The following EDEM2 variants were observed in gnomAD, a reference collection of about 807,000 sequenced individuals.
The protein encoded by EDEM2 is ER degradation-enhancing alpha-mannosidase-like protein 2.
In EDEM2, 39 loss-of-function variants were observed where a neutral mutation model predicts 64.8. The ratio of observed to expected loss-of-function variants is 0.60; its 90% CI spans 0.47 to 0.79. The LOEUF is 0.79. Among genes scored for constraint, EDEM2 ranks in the 30% least tolerant of loss-of-function variants. EDEM2 has a pLI of 0.00. For synonymous variants in EDEM2, 296 were observed against 291.5 expected (o/e 1.02, Z -0.16); for missense variants, 609 against 731.3 (o/e 0.83, Z 1.93).
intron 4 of EDEM2, among the ~76,000 whole-genome samples, chr20:35,138,733 C>T (rs55921558): frequency 0.08 from 12,105 of 151,722 alleles, 606 homozygotes; most frequent in South Asian, 0.16. Flanking sequence ...GAGCTCACCA[C>T]CATGCCCGGC....
At chr20:35,121,527 C>A (rs375985145) in intron 9 of EDEM2, among the ~76,000 whole-genome samples, 1 of 152,148 alleles carries the variant, frequency 6.6e-6, no homozygotes, top group Non-Finnish European at 1.5e-5. Context: ...GGACTTGTAC[C>A]GGTCCACGGC....
intron 6 of EDEM2, among the ~76,000 whole-genome samples, chr20:35,134,418 C>T (rs993346867): frequency 3.3e-5 from 5 of 152,012 alleles, no homozygotes; most frequent in African/African-American, 1.2e-4. Context: ...AAATGAAGGC[C>T]GGACGAGCTG....
rs2085741669 is a variant in EDEM2, at chr20:35,146,921, G to A, written c.122C>T (p.Ala41Val). The change falls in exon 2 of 11, where the codon GCC (alanine) becomes GTC (valine). Residue 41 changes from alanine (A) to valine (V), a missense_variant. Coordinates refer to ENST00000374492, the MANE Select transcript of EDEM2 (RefSeq NM_018217.3). ...DPAHYRERVK[A>V]MFYHAYDSYL... The stretch of plus-strand genomic sequence containing the variant: ...GCTGTCGTAGGCGTGGTAGAACATG[G>A]CCTTGACTCGCTCCCTGGGTGGGGG... 1.2e-6 allele frequency: 2 copies of A among 1,613,814 alleles called. No homozygotes were observed. The highest frequency in any genetic ancestry group is 2.2e-5 in the South Asian group (2 of 90,998).
In EDEM2 at chr20:35,138,110, G is replaced by A. The variant is rs184328116; in HGVS notation, c.365-105C>T. On this transcript the variant is annotated intron_variant, in intron 4 of 10. Coordinates refer to ENST00000374492, the MANE Select transcript of EDEM2 (RefSeq NM_018217.3). ...AAACATAAACACTCTATTGTGGGGC[G>A]CATGTTCTCAGGACCTCCTGAAGCT... 29 of 1,448,358 alleles carry A rather than the reference G, an allele frequency of 2.0e-5. No homozygotes were observed. In the East Asian group the frequency reaches 2.1e-4, roughly 10 times the overall value. The allele number at this position is 1,448,358 out of a possible 1,614,324, so 89.7% of individuals were successfully genotyped here. A position where few individuals can be genotyped will look rare whatever the true frequency, so the allele number is the denominator to read the frequency against.
intron 5 of EDEM2, among the ~76,000 whole-genome samples, 195 bp downstream of exon 5, chr20:35,137,685 G>A (rs529201742): frequency 2.6e-5 from 4 of 152,296 alleles, no homozygotes; most frequent in Admixed American, 6.5e-5. Context: ...TCATCCATCC[G>A]GGTCAGGGCC....
intron 7 of EDEM2, among the ~76,000 whole-genome samples, chr20:35,128,603 C>T (rs1328314302): frequency 1.3e-5 from 2 of 149,472 alleles, no homozygotes; most frequent in African/African-American, 5.0e-5. Context: ...CAGGCAGGTC[C>T]TTCAAGGAAT....
At position 35,123,983 on chromosome 20, in the gene EDEM2, T is replaced by G. The variant is rs1399552368; in HGVS notation, c.1021A>C (p.Thr341Pro). 15 of 1,613,952 alleles carry G rather than the reference T, an allele frequency of 9.3e-6. No homozygotes were observed. The highest frequency in any genetic ancestry group is 1.3e-5 in the Non-Finnish European group (15 of 1,179,908). The change falls in exon 9 of 11, where the codon ACT becomes CCT. Residue 341 changes from threonine (T) to proline (P), a missense_variant. By Grantham distance (38) the Thr-to-Pro change is conservative. Coordinates refer to ENST00000374492, the MANE Select transcript of EDEM2 (RefSeq NM_018217.3). ...NAMRTFLNYYTVWKQFGGLPE... is the reference protein window; with the variant it reads ...NAMRTFLNYYPVWKQFGGLPE... ...AGCCCCCCAAACTGCTTCCATACAG[T>G]GTAGTAGTTGAGGAAGGTCCTCATG...
Position 35,147,317 on chromosome 20 carries a change from C to T in EDEM2, c.-59G>A. The stretch of plus-strand genomic sequence containing the variant: ...CAGCAGCCACTGCAACCAGTTCATC[C>T]TGGGAGCTGCTGCGGGTTCTTCCGG... On this transcript the variant is annotated 5_prime_UTR_variant, in exon 1 of 11. Transcript: ENST00000374492. 7.1e-7 allele frequency: 1 copy of T among 1,404,310 alleles called. No homozygotes were observed. The highest frequency in any genetic ancestry group is 1.5e-5 in the African/African-American group (1 of 68,016). 87.0% of individuals were successfully genotyped at this position (1,404,310 alleles called of 1,614,324 possible).
chr20:35,126,407 T>A lies in EDEM2; in HGVS notation c.845-32A>T, dbSNP rs370246855. 5.6e-6 allele frequency: 9 copies of A among 1,611,310 alleles called. No individual in the cohort carries two copies. In the African/African-American group the frequency reaches 1.2e-4, roughly 22 times the overall value. The stretch of plus-strand genomic sequence containing the variant: ...TGGGGGAGATGGGATAATGGACATA[T>A]GAGTGATTAGGGAGAAAAAAGGCAG... On this transcript the variant is annotated intron_variant, in intron 7 of 10. Transcript: ENST00000374492.
At chr20:35,127,096 A>C (rs2085443997) in intron 7 of EDEM2, among the ~76,000 whole-genome samples, 1 of 152,048 alleles carries the variant, frequency 6.6e-6, no homozygotes, top group African/African-American at 2.4e-5. Flanking sequence ...ACAAGATCTG[A>C]TGGTTTTATA....
In EDEM2 at chr20:35,126,266, G is replaced by A. The variant is rs1190201702; in HGVS notation, c.954C>T (p.Tyr318=). ...SMPVFQSLEA[Y]WPGLQSLIGD... ...TCATTCCTACCTGAAGACCAGGCCA[G>A]TAGGCCTCCAAGGACTGGAAGACTG... is the stretch of plus-strand genomic sequence containing the variant. Residue 318 remains tyrosine (Y), a synonymous_variant, in exon 8 of 11, where the codon TAC becomes TAT. Coordinates refer to ENST00000374492, the MANE Select transcript of EDEM2 (RefSeq NM_018217.3). 6.2e-7 allele frequency: 1 copy of A among 1,613,904 alleles called. No individual in the cohort carries two copies. Among genetic ancestry groups the A allele is most frequent in the Non-Finnish European group, 8.5e-7 (1 of 1,180,012 alleles).
chr20:35,144,810 T>C (rs2146117841), intron 3 of EDEM2, among the ~76,000 whole-genome samples, 169 bp downstream of exon 3: 1 of 152,276 alleles, frequency 6.6e-6, no homozygotes, highest in East Asian at 1.9e-4. Flanking sequence ...TTGTAGTTCG[T>C]TTTTCCCCTA....
chr20:35,139,275 A>G (rs902616036), intron 4 of EDEM2, among the ~76,000 whole-genome samples: 3 of 151,214 alleles, frequency 2.0e-5, no homozygotes, highest in African/African-American at 7.3e-5. Flanking sequence ...GCTTAAACCC[A>G]GGAGGTGGAG....
intron 5 of EDEM2, 106 bp downstream of exon 5, chr20:35,137,774 T>G: frequency 1.3e-6 from 2 of 1,484,158 alleles, no homozygotes; most frequent in Non-Finnish European, 1.8e-6. Context: ...CAAATACACC[T>G]GGTGAGAAAT....
chr20:35,146,125 T>C (rs2085728997), intron 2 of EDEM2, among the ~76,000 whole-genome samples: 1 of 152,108 alleles, frequency 6.6e-6, no homozygotes. Flanking sequence ...CCAAGAATAT[T>C]TCTGGACAGA....
intron 7 of EDEM2, among the ~76,000 whole-genome samples, chr20:35,130,259 G>A (rs1200996801): frequency 2.0e-5 from 3 of 151,782 alleles, no homozygotes; most frequent in East Asian, 3.9e-4. Flanking sequence ...TTGTAGAGAC[G>A]AGGTCTCACC....
chr20:35,147,213 G>C lies in EDEM2; in HGVS notation c.46C>G (p.Leu16Val), dbSNP rs866527303. 6.2e-7 allele frequency: 1 copy of C among 1,601,334 alleles called. No individual in the cohort carries two copies. The change falls in exon 1 of 11, where the codon CTG (leucine) becomes GTG (valine). Residue 16 changes from leucine to valine, a missense_variant. By Grantham distance (32) the Leu-to-Val change is conservative (BLOSUM62 1). Coordinates refer to ENST00000374492, the MANE Select transcript of EDEM2 (RefSeq NM_018217.3). ...LIPLGLLCAL[L>V]PQHHGAPGPD... ...CCTGGCGCACCATGGTGCTGAGGCA[G>C]CAGCGCGCACAGGAGGCCGAGCGGG... is the stretch of plus-strand genomic sequence containing the variant.
chr20:35,120,968 G>C (rs2085361831), intron 9 of EDEM2, among the ~76,000 whole-genome samples: 1 of 152,060 alleles, frequency 6.6e-6, no homozygotes, highest in African/African-American at 2.4e-5. Context: ...CTCACATGTG[G>C]GCCTCCTAAG....
At chr20:35,146,449 G>C (rs986353021) in intron 2 of EDEM2, among the ~76,000 whole-genome samples, 1 of 152,050 alleles carries the variant, frequency 6.6e-6, no homozygotes, top group African/African-American at 2.4e-5. Flanking sequence ...TTAAGTTTTA[G>C]GAGTGTCACA....
Sources: gnomAD v4.1 joint callset for allele counts (sites outside exome capture counted in the v4.1 genomes callset) on GRCh38, gnomAD v4.1.1 for gene constraint, MANE v1.5 for transcripts, NCBI Gene and HGNC (gene_info 2026-07-23, HGNC 2026-07-21) for gene names.